VRK2: variants seen among roughly 807,000 people sequenced by gnomAD.
VRK2 encodes serine/threonine-protein kinase VRK2.
In VRK2, 60 loss-of-function variants were observed where a neutral mutation model predicts 57.6. That is an observed-to-expected ratio of 1.04 (90% confidence interval 0.85 to 1.29). The LOEUF (loss-of-function observed/expected upper bound fraction) is 1.29, where lower values mean the gene tolerates loss of function less well. VRK2 is among the 50% of genes most tolerant of loss of function. VRK2 has a pLI of 0.00. For missense variants in VRK2, 705 were observed against 588.1 expected (o/e 1.20, Z -2.06); for synonymous variants, 231 against 199.2 (o/e 1.16, Z -1.35).
chr2:58,076,916 C>T (rs145154830), intron 2 of VRK2, among the ~76,000 whole-genome samples: 2,185 of 152,044 alleles, frequency 0.014, 52 homozygotes, highest in African/African-American at 0.047. Context: ...CTCTACTCGA[C>T]TGCCCTAAAT....
intron 3 of VRK2, among the ~76,000 whole-genome samples, chr2:58,038,225 T>C (rs1674336555): frequency 1.3e-5 from 2 of 152,070 alleles, no homozygotes; most frequent in Non-Finnish European, 2.9e-5. Context: ...TGATAGTGAG[T>C]GAGTTCTCAC....
chr2:58,007,151 G>C (rs1283489669), intron 1 of VRK2, among the ~76,000 whole-genome samples: 1 of 151,394 alleles, frequency 6.6e-6, no homozygotes, highest in Non-Finnish European at 1.5e-5. Context: ...GCTAAATAGA[G>C]ATCTTGGGAC....
chr2:58,127,414 A>G (rs1057290787), intron 8 of VRK2, among the ~76,000 whole-genome samples: 2 of 152,182 alleles, frequency 1.3e-5, no homozygotes, highest in East Asian at 3.8e-4. Context: ...AGTTTCACAC[A>G]CACAAAACTA....
intron 7 of VRK2, among the ~76,000 whole-genome samples, chr2:58,091,648 T>C (rs1454547784): frequency 1.3e-5 from 2 of 151,710 alleles, no homozygotes; most frequent in Non-Finnish European, 2.9e-5. Context: ...AATGAGAAAC[T>C]GGGAAATAGA....
intron 2 of VRK2, among the ~76,000 whole-genome samples, chr2:58,065,384 T>A (rs980080996): frequency 4.6e-5 from 7 of 152,124 alleles, no homozygotes; most frequent in African/African-American, 1.7e-4. Flanking sequence ...AATCATGTAA[T>A]ATGTGTCATT....
chr2:58,073,080 T>C (rs1425765025), intron 2 of VRK2, among the ~76,000 whole-genome samples: 4 of 152,126 alleles, frequency 2.6e-5, no homozygotes, highest in Admixed American at 2.0e-4. Context: ...TTTGGATCCA[T>C]GTGTTATTTA....
At chr2:58,002,347 A>G (rs1222800421) in intron 1 of VRK2, among the ~76,000 whole-genome samples, 1 of 152,038 alleles carries the variant, frequency 6.6e-6, no homozygotes, top group Non-Finnish European at 1.5e-5. Flanking sequence ...GTATGGTGGC[A>G]TGCACCTATA....
intron 1 of VRK2, among the ~76,000 whole-genome samples, chr2:57,994,501 A>C (rs1055621102): frequency 1.3e-5 from 2 of 152,314 alleles, no homozygotes; most frequent in African/African-American, 4.8e-5. Flanking sequence ...TCCACTACTG[A>C]TCCACTGGAA....
chr2:57,926,240 T>A (rs2678870), intron 1 of VRK2, among the ~76,000 whole-genome samples: 95,923 of 151,152 alleles, frequency 0.63, 30,549 homozygotes, highest in African/African-American at 0.72. Flanking sequence ...TGCTAGGTCA[T>A]CTTGTTCTAT....
chr2:58,137,037 CATATATA>C (rs1181909034), intron 10 of VRK2, among the ~76,000 whole-genome samples: 1 of 123,932 alleles, frequency 8.1e-6, no homozygotes, highest in Non-Finnish European at 1.6e-5. Flanking sequence ...GTATATATAT[CATATATA>C]ATATATATGT....
chr2:57,918,460 A>G (rs1006115471), intron 1 of VRK2, among the ~76,000 whole-genome samples: 1 of 152,102 alleles, frequency 6.6e-6, no homozygotes, highest in Non-Finnish European at 1.5e-5. Flanking sequence ...AGTTCTTTTT[A>G]AAATGGCTTG....
intron 1 of VRK2, among the ~76,000 whole-genome samples, chr2:57,969,163 A>G (rs1158407522): frequency 6.6e-6 from 1 of 152,140 alleles, no homozygotes; most frequent in African/African-American, 2.4e-5. Flanking sequence ...GACAAAAATT[A>G]TAAAGCAATA....
intron 1 of VRK2, among the ~76,000 whole-genome samples, chr2:57,978,311 A>C (rs1223780617): frequency 6.6e-6 from 1 of 151,150 alleles, no homozygotes; most frequent in African/African-American, 2.5e-5. Flanking sequence ...AACAATTAGA[A>C]AAAAATTATT....
At chr2:58,049,500 A>C (rs930957597) in intron 2 of VRK2, among the ~76,000 whole-genome samples, 9 of 152,018 alleles carry the variant, frequency 5.9e-5, no homozygotes, top group Non-Finnish European at 1.3e-4. Flanking sequence ...AAAAATAAAC[A>C]CTCAAAATTA....
intron 1 of VRK2, among the ~76,000 whole-genome samples, chr2:57,971,651 A>G (rs904943957): frequency 2.0e-5 from 3 of 151,806 alleles, no homozygotes; most frequent in African/African-American, 7.3e-5. Flanking sequence ...ATTCCTGCTT[A>G]TATCTATTTT....
At chr2:58,099,378 T>A (rs1673630959) in intron 7 of VRK2, among the ~76,000 whole-genome samples, 1 of 152,116 alleles carries the variant, frequency 6.6e-6, no homozygotes, top group Non-Finnish European at 1.5e-5. Flanking sequence ...CTGTGAGTGC[T>A]CAGGTCTCAC....
chr2:57,975,775 T>C (rs151113345), intron 1 of VRK2, among the ~76,000 whole-genome samples: 1 of 152,016 alleles, frequency 6.6e-6, no homozygotes, highest in African/African-American at 2.4e-5. Flanking sequence ...TTTTTTACTT[T>C]TATTTTTGGT....
intron 1 of VRK2, among the ~76,000 whole-genome samples, chr2:57,992,935 T>G (rs541286780): frequency 6.6e-6 from 1 of 152,350 alleles, no homozygotes; most frequent in South Asian, 2.1e-4. Context: ...GCCTGCATTC[T>G]GATTTCATTT....
At chr2:57,983,941 T>C (rs949486591) in intron 1 of VRK2, among the ~76,000 whole-genome samples, 1 of 152,132 alleles carries the variant, frequency 6.6e-6, no homozygotes, top group South Asian at 2.1e-4. Flanking sequence ...TTTGAGGGAA[T>C]TGGATAAGTT....
Sources: gnomAD v4.1 joint callset for allele counts (sites outside exome capture counted in the v4.1 genomes callset) on GRCh38, gnomAD v4.1.1 for gene constraint, MANE v1.5 for transcripts, NCBI Gene and HGNC (gene_info 2026-07-23, HGNC 2026-07-21) for gene names.